PCDHGA2: variants seen among roughly 807,000 people sequenced by gnomAD.
The protein encoded by PCDHGA2 is protocadherin gamma-A2.
Under a neutral mutation model 59.2 loss-of-function variants are expected in PCDHGA2, and 40 were observed. That is an observed-to-expected ratio of 0.68 (90% CI 0.52 to 0.88). PCDHGA2 has a LOEUF of 0.88. PCDHGA2 is among the 40% of genes least tolerant of loss of function. PCDHGA2 has a pLI of 0.00. For synonymous variants in PCDHGA2, 560 were observed against 526.0 expected (o/e 1.06, Z -0.89); for missense variants, 1,226 against 1,204.0 (o/e 1.02, Z -0.27).
In PCDHGA2 at chr5:141,421,624, A is replaced by G; in HGVS notation, c.2425-73183A>G. On this transcript the variant is annotated intron_variant, in intron 1 of 3. Transcript: ENST00000394576. ...AATAGATATTAATGATAACGCCCCC[A>G]GCTTCCAGGAGGACGAAGTGGAGAT... 2.5e-6 allele frequency: 4 copies of G among 1,613,872 alleles called. No homozygotes were observed. The South Asian group carries it at 3.3e-5, about 13-fold the overall frequency.
At chr5:141,366,741 G>C (rs772947820) in intron 1 of PCDHGA2, 1 of 1,611,828 alleles carries the variant, frequency 6.2e-7, no homozygotes, top group Non-Finnish European at 8.5e-7. Context: ...AAAGAAGAAC[G>C]GCGAGTTCAG....
chr5:141,447,775 AT>A (rs1463090729), intron 1 of PCDHGA2, among the ~76,000 whole-genome samples: 2 of 152,212 alleles, frequency 1.3e-5, no homozygotes, highest in Non-Finnish European at 2.9e-5. Flanking sequence ...TTATACTTTA[AT>A]TGAAAATAAA....
At chr5:141,397,923 C>T in intron 1 of PCDHGA2, 1 of 738,672 alleles carries the variant, frequency 1.4e-6, no homozygotes, top group East Asian at 2.8e-5. Flanking sequence ...GATCTCCTCG[C>T]GCAGCCGCAG....
chr5:141,423,065 G>C, intron 1 of PCDHGA2: 1 of 1,614,138 alleles, frequency 6.2e-7, no homozygotes, highest in Non-Finnish European at 8.5e-7. Flanking sequence ...CTTAAGGCCA[G>C]CGAGCCGGGA....
rs770154641 is a variant in PCDHGA2, at chr5:141,372,296, C to T, written c.2424+30901C>T. ...TGCGCACGGCGCGTACCTTGGGCGA[C>T]AGGGAGGCCGCCCGCCAGCGCCTGC... On this transcript the variant is annotated intron_variant, in intron 1 of 3. Coordinates refer to ENST00000394576, the MANE Select transcript of PCDHGA2 (RefSeq NM_018915.4). 5 of 1,613,184 alleles carry T rather than the reference C, an allele frequency of 3.1e-6. No individual in the cohort carries two copies. The African/African-American group carries it at 5.3e-5, about 17-fold the overall frequency.
intron 1 of PCDHGA2, chr5:141,344,087 G>C (rs773210935): frequency 1.2e-6 from 2 of 1,611,490 alleles, no homozygotes; most frequent in Non-Finnish European, 1.7e-6. Context: ...TGCTGTGCGC[G>C]CTCCTGGGGA....
At chr5:141,342,245 T>C (rs1757140133) in intron 1 of PCDHGA2, 1 of 152,204 alleles carries the variant, frequency 6.6e-6, no homozygotes, top group South Asian at 2.1e-4. Flanking sequence ...AACCAACTTC[T>C]TTATACATCT....
At chr5:141,390,096 C>G in intron 1 of PCDHGA2, 1 of 1,614,030 alleles carries the variant, frequency 6.2e-7, no homozygotes, top group Non-Finnish European at 8.5e-7. Context: ...ATCCGTGGTT[C>G]CCCCCAACTA....
chr5:141,422,260 G>A, intron 1 of PCDHGA2: 1 of 1,564,392 alleles, frequency 6.4e-7, no homozygotes, highest in South Asian at 1.2e-5. Context: ...GAATGATAAC[G>A]CTCCAGAAAT....
intron 1 of PCDHGA2, chr5:141,415,156 A>T: frequency 6.2e-7 from 1 of 1,613,798 alleles, no homozygotes. Flanking sequence ...TCTCTCCGCC[A>T]CTGTCACGCT....
chr5:141,366,185 GT>G (rs1375353655), intron 1 of PCDHGA2: 1 of 1,613,892 alleles, frequency 6.2e-7, no homozygotes, highest in East Asian at 2.2e-5. Context: ...ACTCTTTGCG[GT>G]TGGGCTGCAC....
At chr5:141,410,337 C>T (rs1196366344) in intron 1 of PCDHGA2, 1 of 1,613,930 alleles carries the variant, frequency 6.2e-7, no homozygotes, top group Non-Finnish European at 8.5e-7. Context: ...CTGGCCATTG[C>T]CTTGCGCCTG....
chr5:141,352,816 C>T, intron 1 of PCDHGA2: 1 of 816,734 alleles, frequency 1.2e-6, no homozygotes, highest in Non-Finnish European at 1.9e-6. Flanking sequence ...ATGGTAAAAC[C>T]CGGTCTACTA....
At chr5:141,395,542 TTGTGTGTGTGTGTGTGTGTGTG>T (rs55729045) in intron 1 of PCDHGA2, 19 of 172,620 alleles carry the variant, frequency 1.1e-4, no homozygotes, top group Admixed American at 1.0e-3. Context: ...TTGCTATTGT[TTGTGTGTGTGTGTGTGTGTGTG>T]TGTGTGTGTG....
chr5:141,507,661 C>T (rs1328943034), intron 3 of PCDHGA2, among the ~76,000 whole-genome samples: 1 of 152,236 alleles, frequency 6.6e-6, no homozygotes, highest in Non-Finnish European at 1.5e-5. Context: ...GCTTTTTAGC[C>T]TAAATCCAGA....
chr5:141,374,302 G>A (rs769015747), intron 1 of PCDHGA2: 2 of 1,613,984 alleles, frequency 1.2e-6, no homozygotes, highest in Non-Finnish European at 1.7e-6. Flanking sequence ...GTAGGATGCA[G>A]CTTTTCTCTC....
In PCDHGA2 at chr5:141,413,895, T is replaced by C. The variant is rs749075692; in HGVS notation, c.2424+72500T>C. On this transcript the variant is annotated intron_variant, in intron 1 of 3. Transcript: ENST00000394576. ...TCAGTGTGACTGTCTTCGATGCAAATGACAACGCGCCGGTCTTCACCTTGC... is the reference window on the plus strand; with the variant it reads ...TCAGTGTGACTGTCTTCGATGCAAACGACAACGCGCCGGTCTTCACCTTGC... 7 of 1,613,190 alleles carry C rather than the reference T, an allele frequency of 4.3e-6. No individual in the cohort carries two copies. The South Asian group carries it at 6.6e-5, about 15-fold the overall frequency.
chr5:141,477,433 C>T lies in PCDHGA2; in HGVS notation c.2425-17374C>T, dbSNP rs1389102640. On this transcript the variant is annotated intron_variant, in intron 1 of 3. Transcript: ENST00000394576. The surrounding 1 kb of genome is among the most constrained non-coding windows in gnomAD (Gnocchi z 4.9). ...ACGCCGGAACCCCTTCCCTCTCAGCCCTTACAATAGTGCGTGTTCAAGTGT... is the reference window on the plus strand; with the variant it reads ...ACGCCGGAACCCCTTCCCTCTCAGCTCTTACAATAGTGCGTGTTCAAGTGT... 6.2e-7 allele frequency: 1 copy of T among 1,614,048 alleles called. No individual in the cohort carries two copies. The highest frequency in any genetic ancestry group is 2.2e-5 in the East Asian group (1 of 44,892).
intron 1 of PCDHGA2, chr5:141,375,277 T>G: frequency 1.9e-6 from 3 of 1,613,826 alleles, no homozygotes; most frequent in Non-Finnish European, 2.5e-6. Context: ...AAAAATCAGT[T>G]GGCAATTATT....
Sources: gnomAD v4.1 joint callset for allele counts (sites outside exome capture counted in the v4.1 genomes callset) on GRCh38, gnomAD v4.1.1 for gene constraint, Gnocchi (gnomAD v3.1) non-coding constraint, MANE v1.5 for transcripts, NCBI Gene and HGNC (gene_info 2026-07-23, HGNC 2026-07-21) for gene names.